Variants in KCTD5 observed in about 807,000 individuals in gnomAD.
KCTD5 encodes BTB/POZ domain-containing protein KCTD5.
KCTD5 carries 12 observed loss-of-function variants against 27.9 expected under a neutral mutation model. That is an observed-to-expected ratio of 0.43 (90% CI 0.28 to 0.70). The LOEUF is 0.70. Ranked by LOEUF, KCTD5 falls within the 30% of genes least tolerant of loss-of-function variation. KCTD5 has a pLI of 0.19. For missense variants in KCTD5, 226 were observed against 274.8 expected (o/e 0.82, Z 1.26); for synonymous variants, 147 against 121.4 (o/e 1.21, Z -1.39).
At chr16:2,702,530 T>C (rs972993545) in intron 5 of KCTD5, 52 bp downstream of exon 5, 5 of 1,595,156 alleles carry the variant, frequency 3.1e-6, no homozygotes, top group Non-Finnish European at 4.3e-6. Context: ...GGGAAGGCTC[T>C]TGCCCTCTCA....
chr16:2,707,021 G>C (rs900140302), intron 5 of KCTD5, among the ~76,000 whole-genome samples: 2 of 152,080 alleles, frequency 1.3e-5, no homozygotes, highest in African/African-American at 2.4e-5. Flanking sequence ...GGACTGAGTG[G>C]GCTGAGAGGC....
intron 5 of KCTD5, among the ~76,000 whole-genome samples, chr16:2,705,521 G>A (rs972084186): frequency 6.6e-6 from 1 of 152,178 alleles, no homozygotes; most frequent in African/African-American, 2.4e-5. Flanking sequence ...CTTCCTGTCT[G>A]GCTTAGGCCA....
Position 2,707,313 on chromosome 16 carries a change from G to A in KCTD5, c.691G>A (p.Gly231Ser), listed in dbSNP as rs766143765. Residue 231 changes from glycine to serine, a missense_variant, in exon 6 of 6, where the codon GGC becomes AGC. By Grantham distance (56) the Gly-to-Ser change is moderately conservative. Around this residue, in one of 2 missense-constraint regions of KCTD5, gnomAD observed 135 missense variants for 207.0 expected, o/e 0.65. Transcript: ENST00000301738. Reference protein sequence around the residue: ...SEKAKILQERGSRM With the variant: ...SEKAKILQERSSRM ...TGTTTTTCAGATTTTGCAAGAACGA[G>A]GCTCAAGGATGTGAGGGACACAGTA... is the stretch of plus-strand genomic sequence containing the variant. 1 of 1,613,904 alleles carries A rather than the reference G, an allele frequency of 6.2e-7. No homozygotes were observed. The highest frequency in any genetic ancestry group is 8.5e-7 in the Non-Finnish European group (1 of 1,179,918).
chr16:2,697,857 T>G, intron 2 of KCTD5, 49 bp from the exon 3 acceptor site: 1 of 1,346,138 alleles, frequency 7.4e-7, no homozygotes, highest in Admixed American at 1.7e-5. Context: ...GCGTGGATTC[T>G]TTGGTTTAGT....
intron 5 of KCTD5, among the ~76,000 whole-genome samples, chr16:2,704,266 A>G (rs1329118977): frequency 6.6e-6 from 1 of 152,240 alleles, no homozygotes; most frequent in Non-Finnish European, 1.5e-5. Flanking sequence ...TGCGGGGGCC[A>G]GAGCTGGAGG....
At chr16:2,690,746 G>T (rs1461412691) in intron 1 of KCTD5, among the ~76,000 whole-genome samples, 1 of 152,230 alleles carries the variant, frequency 6.6e-6, no homozygotes, top group East Asian at 1.9e-4. Context: ...GGCAGGCGCC[G>T]CTGATGGCCT....
intron 1 of KCTD5, among the ~76,000 whole-genome samples, chr16:2,693,441 C>G (rs2067575642): frequency 6.6e-6 from 1 of 152,242 alleles, no homozygotes. Flanking sequence ...GAAAAGCCAG[C>G]CCCGCCCAGT....
At chr16:2,688,739 C>G (rs1465383257) in intron 1 of KCTD5, among the ~76,000 whole-genome samples, 4 of 92,830 alleles carry the variant, frequency 4.3e-5, no homozygotes, top group Non-Finnish European at 8.6e-5. Context: ...CTGGCTGACC[C>G]TAGCAGCACA....
chr16:2,685,145 G>C (rs2067535235), intron 1 of KCTD5, among the ~76,000 whole-genome samples: 1 of 152,168 alleles, frequency 6.6e-6, no homozygotes, highest in South Asian at 2.1e-4. Context: ...TGGAGTAGGG[G>C]CCGGGCAAGG....
At chr16:2,702,279 G>A in intron 4 of KCTD5, 74 bp from the exon 5 acceptor site, 1 of 1,589,778 alleles carries the variant, frequency 6.3e-7, no homozygotes, top group Non-Finnish European at 8.6e-7. Context: ...GGCGCGTCCT[G>A]AGGCTGGTCA....
intron 1 of KCTD5, among the ~76,000 whole-genome samples, chr16:2,688,247 T>TA (rs1567193128): frequency 0.057 from 5,992 of 105,294 alleles, 213 homozygotes; most frequent in Admixed American, 0.12. Context: ...ATATATATAT[T>TA]TATTTATTTA....
In KCTD5 at chr16:2,682,710, C is replaced by T. The variant is rs372089756; in HGVS notation, c.162C>T (p.Tyr54=). 3 of 1,610,252 alleles carry T rather than the reference C, an allele frequency of 1.9e-6. No homozygotes were observed. The African/African-American group carries it at 4.0e-5, about 22-fold the overall frequency. The change falls in exon 1 of 6, where the codon TAC becomes TAT. Residue 54 remains tyrosine (Y), a synonymous_variant. Transcript: ENST00000301738. ...KWVRLNVGGT[Y]FLTTRQTLCR... ...TCCGACTCAACGTCGGCGGCACCTA[C>T]TTCCTCACCACTCGGCAGACCCTGT...
chr16:2,687,480 A>T (rs552686819), intron 1 of KCTD5, among the ~76,000 whole-genome samples: 1 of 152,338 alleles, frequency 6.6e-6, no homozygotes, highest in South Asian at 2.1e-4. Context: ...GTCTTGGTTT[A>T]GAGCAGGAGT....
chr16:2,682,645 GGCGCCCTGGCCCA>G lies in KCTD5; in HGVS notation c.108_120del (p.Gln37AlafsTer51), dbSNP rs1275508650. On this transcript the variant is annotated frameshift_variant, in exon 1 of 6. Transcript: ENST00000301738. LOFTEE classifies it high-confidence loss of function. The stretch of plus-strand genomic sequence containing the variant: ...GTGCCGCCGCTGCAGCGCTGGGCTC[GGCGCCCTGGCCCA>G]GCGCCCTGGCAGCGTGTCCAAGTGG... 2 of 1,589,496 alleles carry G rather than the reference GGCGCCCTGGCCCA, an allele frequency of 1.3e-6. No homozygotes were observed. The highest frequency in any genetic ancestry group is 1.1e-5 in the South Asian group (1 of 88,288).
intron 1 of KCTD5, 193 bp downstream of exon 1, chr16:2,682,993 A>AT (rs2067525380): frequency 1.7e-6 from 1 of 593,792 alleles, no homozygotes; most frequent in South Asian, 2.7e-5. Flanking sequence ...GAGGGTGAGG[A>AT]TGGCGCCCTG....
chr16:2,683,621 T>C (rs1323435785), intron 1 of KCTD5: 16 of 146,886 alleles, frequency 1.1e-4, no homozygotes, highest in African/African-American at 3.9e-4. Context: ...TCAAGAGTTG[T>C]GGAGCCGAGG....
In KCTD5 at chr16:2,697,524, A is replaced by G. The variant is rs551391202; in HGVS notation, c.362-382A>G. 3.9e-5 allele frequency among the ~76,000 whole-genome samples: 6 copies of G among 152,320 alleles called. 1 individual carries two copies. The South Asian group carries it at 1.0e-3, about 26-fold the overall frequency. ...TTCCCAGCAGGAAGCGTCGGCCTCC[A>G]GGCTTGGAGGGAAAATGCCAGATCC... On this transcript the variant is annotated intron_variant, in intron 2 of 5. Transcript: ENST00000301738.
At chr16:2,698,696 C>G (rs2067597597) in intron 3 of KCTD5, among the ~76,000 whole-genome samples, 1 of 152,156 alleles carries the variant, frequency 6.6e-6, no homozygotes, top group South Asian at 2.1e-4. Context: ...CACGTAGAGC[C>G]CTGGGCCCTG....
At chr16:2,692,997 G>T (rs1376072846) in intron 1 of KCTD5, among the ~76,000 whole-genome samples, 1 of 152,252 alleles carries the variant, frequency 6.6e-6, no homozygotes, top group East Asian at 1.9e-4. Context: ...CATAGTTTGG[G>T]TGGGGCGAAC....
Sources: allele counts gnomAD v4.1 joint callset (sites outside exome capture counted in the v4.1 genomes callset), GRCh38; gene constraint gnomAD v4.1.1; regional missense constraint gnomAD v4.1.1; transcripts MANE v1.5; gene names NCBI Gene and HGNC (gene_info 2026-07-23, HGNC 2026-07-21).